Variants in CELF1 observed in about 807,000 individuals in gnomAD.
CELF1 encodes CUGBP Elav-like family member 1.
In CELF1, 10 loss-of-function variants were observed where a neutral mutation model predicts 61.8. The ratio of observed to expected loss-of-function variants is 0.16; its 90% CI spans 0.10 to 0.27. CELF1 has a LOEUF of 0.27. Among genes scored for constraint, CELF1 ranks in the 10% least tolerant of loss-of-function variants. The pLI, the probability that CELF1 is intolerant of heterozygous loss-of-function variation, is 1.00. For synonymous variants in CELF1, 236 were observed against 225.1 expected (o/e 1.05, Z -0.43); for missense variants, 380 against 639.1 (o/e 0.59, Z 4.37).
intron 1 of CELF1, among the ~76,000 whole-genome samples, chr11:47,539,690 T>C (rs1385475693): frequency 1.3e-5 from 2 of 152,202 alleles, no homozygotes; most frequent in Non-Finnish European, 2.9e-5. Flanking sequence ...TAGAGTTAAC[T>C]GAAAGGGTAC....
At chr11:47,533,071 CTTT>C (rs544522994) in intron 1 of CELF1, among the ~76,000 whole-genome samples, 2 of 147,220 alleles carry the variant, frequency 1.4e-5, no homozygotes, top group Admixed American at 1.4e-4. Context: ...ATCCAGAAGG[CTTT>C]TTTTTTTCTA....
chr11:47,479,125 C>CA lies in CELF1; in HGVS notation c.769-174dup, dbSNP rs373047994. Among the ~76,000 whole-genome samples the CA allele has an allele frequency of 9.7e-3, 1,390 of 143,342 alleles. 14 individuals are homozygous for CA. Among genetic ancestry groups the CA allele is most frequent in the Non-Finnish European group, 0.015 (968 of 65,166 alleles). 94.0% of individuals were successfully genotyped at this position (143,342 alleles called of 152,430 possible). Reference sequence around the variant, plus strand: ...ACATGAGGCTTATGACAGCACAGGACAAAAAAAAAACACAGCTAAAGCACT... The same window carrying CA: ...ACATGAGGCTTATGACAGCACAGGACAAAAAAAAAAACACAGCTAAAGCACT... On this transcript the variant is annotated intron_variant, in intron 9 of 14. Transcript: ENST00000687097.
intron 2 of CELF1, among the ~76,000 whole-genome samples, chr11:47,559,044 AATAAT>A (rs919726467): frequency 1.3e-4 from 18 of 143,512 alleles, no homozygotes; most frequent in South Asian, 8.4e-4. Context: ...TGTTACATAT[AATAAT>A]ATAATATGTT....
intron 1 of CELF1, among the ~76,000 whole-genome samples, chr11:47,512,609 G>C (rs557966901): frequency 6.6e-6 from 1 of 151,808 alleles, no homozygotes; most frequent in East Asian, 1.9e-4. Flanking sequence ...CGAAATGTTG[G>C]GATTACAGAT....
intron 1 of CELF1, among the ~76,000 whole-genome samples, chr11:47,544,052 CCAAGTATTCCA>C (rs2096873803): frequency 6.6e-6 from 1 of 152,110 alleles, no homozygotes; most frequent in Non-Finnish European, 1.5e-5. Context: ...ACCATATTAC[CCAAGTATTCCA>C]CAAGGAACAA....
chr11:47,554,812 C>A (rs1346539421), upstream of CELF1, among the ~76,000 whole-genome samples: 1 of 152,062 alleles, frequency 6.6e-6, no homozygotes, highest in African/African-American at 2.4e-5. Context: ...CAGGCGCGTG[C>A]CACGATGCCT....
intron 1 of CELF1, among the ~76,000 whole-genome samples, chr11:47,533,258 G>A (rs941334903): frequency 6.6e-5 from 10 of 152,100 alleles, no homozygotes; most frequent in South Asian, 2.1e-4. Flanking sequence ...AAGCTGAGGC[G>A]GGGGGATCAC....
Position 47,465,968 on chromosome 11 carries a change from A to C in CELF1, c.*6262T>G, listed in dbSNP as rs2076616987. 1 of 152,222 alleles carries C rather than the reference A, an allele frequency of 6.6e-6. No individual in the cohort carries two copies. The highest frequency in any genetic ancestry group is 1.5e-5 in the Non-Finnish European group (1 of 68,036). 9.4% of individuals were successfully genotyped at this position (152,222 alleles called of 1,614,324 possible). ...TCAAACAGTTTAATAGCAAATAAAC[A>C]AAGGAAGGTACCACACTTGGCAGAT... On this transcript the variant is annotated 3_prime_UTR_variant, in exon 15 of 15. Coordinates refer to ENST00000687097, the MANE Select transcript of CELF1 (RefSeq NM_001376376.1).
At chr11:47,505,439 G>A (rs2153572976) in intron 1 of CELF1, among the ~76,000 whole-genome samples, 1 of 150,896 alleles carries the variant, frequency 6.6e-6, no homozygotes. Flanking sequence ...GACCACCCTG[G>A]TTAACACGGT....
chr11:47,486,147 T>A (rs12786095), intron 6 of CELF1, among the ~76,000 whole-genome samples: 1 of 54,124 alleles, frequency 1.8e-5, no homozygotes, highest in African/African-American at 7.6e-5. Context: ...GGCAACAGAG[T>A]GAGACTCCAT....
chr11:47,543,115 G>T (rs1464905134), intron 1 of CELF1, among the ~76,000 whole-genome samples: 1 of 151,272 alleles, frequency 6.6e-6, no homozygotes, highest in Non-Finnish European at 1.5e-5. Context: ...GTCTCTAATG[G>T]AAAAGAAGGC....
rs2084779202 is a variant in CELF1 at position 47,483,603 on chromosome 11, ATG to A, written c.527-73_527-72del. The stretch of plus-strand genomic sequence containing the variant: ...GACAAACATTAACTGAGCACCTACT[ATG>A]TGCTGACTATCATGCTAGCAATACA... On this transcript the variant is annotated intron_variant, in intron 7 of 14. Transcript: ENST00000687097. 5 of 1,118,198 alleles carry A rather than the reference ATG, an allele frequency of 4.5e-6. No homozygotes were observed. The South Asian group carries it at 6.2e-5, about 14-fold the overall frequency. 69.3% of individuals were successfully genotyped at this position (1,118,198 alleles called of 1,614,324 possible). A position where few individuals can be genotyped will look rare whatever the true frequency, so the allele number is the denominator to read the frequency against.
intron 1 of CELF1, among the ~76,000 whole-genome samples, chr11:47,509,639 C>T (rs1671612994): frequency 6.6e-6 from 1 of 152,120 alleles, no homozygotes; most frequent in Admixed American, 6.6e-5. Context: ...GCCTGTAATC[C>T]CAGCACTTTG....
At chr11:47,486,503 G>A (rs768414831) in intron 6 of CELF1, among the ~76,000 whole-genome samples, 13 of 151,778 alleles carry the variant, frequency 8.6e-5, no homozygotes, top group Non-Finnish European at 1.5e-4. Context: ...TCCGCCTCCC[G>A]GGTTCAAGAG....
At chr11:47,500,979 G>GT (rs1284976574) in intron 1 of CELF1, 47 bp from the exon 2 acceptor site, 1 of 395,932 alleles carries the variant, frequency 2.5e-6, no homozygotes, top group Non-Finnish European at 4.4e-6. Flanking sequence ...CAGAGTTAAC[G>GT]TTAAAAAAAA....
intron 1 of CELF1, among the ~76,000 whole-genome samples, chr11:47,512,540 A>G (rs2095281110): frequency 6.7e-6 from 1 of 148,656 alleles, no homozygotes; most frequent in African/African-American, 2.5e-5. Flanking sequence ...GAGTCTGGCC[A>G]TGTTAGCCAG....
At chr11:47,551,217 T>C (rs1365255733) in intron 1 of CELF1, among the ~76,000 whole-genome samples, 1 of 152,062 alleles carries the variant, frequency 6.6e-6, no homozygotes, top group Admixed American at 6.6e-5. Flanking sequence ...GGGTTTTCTT[T>C]AAAGGGGTCA....
At chr11:47,483,951 C>G (rs1204174858) in intron 7 of CELF1, among the ~76,000 whole-genome samples, 2 of 152,152 alleles carry the variant, frequency 1.3e-5, no homozygotes, top group Non-Finnish European at 2.9e-5. Context: ...CATAGATATA[C>G]AGCAGGAAGC....
intron 1 of CELF1, among the ~76,000 whole-genome samples, chr11:47,564,652 G>A (rs2097238790): frequency 6.6e-6 from 1 of 151,842 alleles, no homozygotes; most frequent in Non-Finnish European, 1.5e-5. Context: ...TTAGCTGGGT[G>A]TGGTGGCATG....
Sources: allele counts gnomAD v4.1 joint callset (sites outside exome capture counted in the v4.1 genomes callset), GRCh38; gene constraint gnomAD v4.1.1; transcripts MANE v1.5; gene names NCBI Gene and HGNC (gene_info 2026-07-23, HGNC 2026-07-21).